KCNH2: variants seen among roughly 807,000 people sequenced by gnomAD.
The protein encoded by KCNH2 is voltage-gated inwardly rectifying potassium channel KCNH2.
Under a neutral mutation model 95.9 loss-of-function variants are expected in KCNH2, and 35 were observed. The ratio of observed to expected loss-of-function variants is 0.37; its 90% CI spans 0.28 to 0.48. The LOEUF is 0.48. KCNH2 is among the 20% of genes least tolerant of loss of function. KCNH2 has a pLI of 0.99. For synonymous variants in KCNH2, 786 were observed against 754.7 expected, an observed-to-expected ratio of 1.04 and a Z score of -0.68; for missense variants, 1,274 against 1,702.9, an observed-to-expected ratio of 0.75 and a Z score of 4.43.
chr7:150,947,910 G>C, intron 11 of KCNH2, 32 bp from the exon 12 acceptor site: 1 of 1,527,432 alleles, frequency 6.5e-7, no homozygotes, highest in Middle Eastern at 2.3e-4. Flanking sequence ...CCTCAGAGAG[G>C]GGAGGAGAAC....
chr7:150,951,299 A>G, intron 7 of KCNH2, 149 bp downstream of exon 7: 1 of 1,136,092 alleles, frequency 8.8e-7, no homozygotes. Context: ...CGCCCTGGTG[A>G]CCCAGCCCCC....
intron 3 of KCNH2, 33 bp downstream of exon 3, chr7:150,959,539 C>A (rs1247707747): frequency 1.9e-6 from 3 of 1,612,236 alleles, no homozygotes; most frequent in Non-Finnish European, 2.5e-6. Flanking sequence ...AGACCACGAA[C>A]CCCTGAGCCT....
At chr7:150,949,840 G>T (rs41307289) in intron 9 of KCNH2, 1 of 1,271,770 alleles carries the variant, frequency 7.9e-7, no homozygotes, top group Non-Finnish European at 1.0e-6. Flanking sequence ...ACCAAATGCC[G>T]AGCTTCCAGG....
intron 1 of KCNH2, among the ~76,000 whole-genome samples, 171 bp downstream of exon 1, chr7:150,977,667 G>A (rs1225007959): frequency 6.6e-6 from 1 of 151,464 alleles, no homozygotes; most frequent in African/African-American, 2.4e-5. Flanking sequence ...CACGGCCCCG[G>A]TGCACCAAGC....
At chr7:150,970,640 AG>A (rs750904122) in intron 2 of KCNH2, among the ~76,000 whole-genome samples, 4 of 152,176 alleles carry the variant, frequency 2.6e-5, no homozygotes, top group Non-Finnish European at 5.9e-5. Context: ...AAGGTGCTGC[AG>A]GGCAAGAGGC....
chr7:150,975,251 GGTGTCAGCAACGC>G (rs1435746734), intron 1 of KCNH2, among the ~76,000 whole-genome samples: 2 of 152,156 alleles, frequency 1.3e-5, no homozygotes, highest in African/African-American at 4.8e-5. Flanking sequence ...CAGCCTGGCG[GGTGTCAGCAACGC>G]GTGTCAGCAG....
chr7:150,956,059 G>GA (rs1455085467), intron 5 of KCNH2, among the ~76,000 whole-genome samples: 1 of 152,144 alleles, frequency 6.6e-6, no homozygotes, highest in Non-Finnish European at 1.5e-5. Context: ...GAGTCAGACA[G>GA]AGACACCCAG....
Position 150,951,581 on chromosome 7 carries a change from G to A in KCNH2, c.1812C>T (p.Gly604=), listed in dbSNP as rs1801165070. The change falls in exon 7 of 15, where the codon GGC becomes GGT. Residue 604 remains glycine, a synonymous_variant. Coordinates refer to ENST00000262186, the MANE Select transcript of KCNH2 (RefSeq NM_000238.4). ...GKPYNSSGLG[G]PSIKDKYVTA... ...TCACATACTTGTCCTTGATGGAGGG[G>A]CCGCCCAGGCCGCTGCTGTTGTAGG... 1.2e-6 allele frequency: 2 copies of A among 1,614,212 alleles called. No individual in the cohort carries two copies. Among genetic ancestry groups the A allele is most frequent in the Non-Finnish European group, 8.5e-7 (1 of 1,180,044 alleles).
rs779970711 is a variant in KCNH2, at chr7:150,951,054, G to C, written c.2012C>G (p.Ala671Gly). The C allele has an allele frequency of 6.2e-7, 1 of 1,614,122 alleles. No individual in the cohort carries two copies. The highest frequency in any genetic ancestry group is 8.5e-7 in the Non-Finnish European group (1 of 1,180,022). Residue 671 changes from alanine to glycine, a missense_variant, in exon 8 of 15, where the codon GCC becomes GGC. By Grantham distance (60) the Ala-to-Gly change is moderately conservative. This residue lies in a region of KCNH2 where 159 missense variants were observed against 282.5 expected (regional missense o/e 0.56). Coordinates refer to ENST00000262186, the MANE Select transcript of KCNH2 (RefSeq NM_000238.4). ...CCGCAGCATCTGTGTGTGGTAGCGG[G>C]CTGTGCCCGAGTACAGCCGCTGGAT... ...AIIQRLYSGT[A>G]RYHTQMLRVR... is the part of the protein sequence containing the mutation.
chr7:150,971,945 C>T (rs1057097972), intron 2 of KCNH2, among the ~76,000 whole-genome samples: 2 of 151,988 alleles, frequency 1.3e-5, no homozygotes, highest in Non-Finnish European at 2.9e-5. Context: ...GCACCTGCTG[C>T]CCGGGGTGCC....
intron 7 of KCNH2, 156 bp from the exon 8 acceptor site, chr7:150,951,276 C>T: frequency 9.7e-7 from 1 of 1,028,582 alleles, no homozygotes; most frequent in Non-Finnish European, 1.5e-6. Context: ...ACACCCCACC[C>T]TTCAGTAGTC....
rs1802029999 is a variant in KCNH2, at chr7:150,978,295, G to A, written c.-382C>T. 1 of 145,962 alleles carries A rather than the reference G, an allele frequency of 6.9e-6. No individual in the cohort carries two copies. The highest frequency in any genetic ancestry group is 2.5e-5 in the African/African-American group (1 of 40,462). The allele number at this position is 145,962 out of a possible 1,614,324, so 9.0% of individuals were successfully genotyped here. A position where few individuals can be genotyped will look rare whatever the true frequency, so the allele number is the denominator to read the frequency against. On this transcript the variant is annotated 5_prime_UTR_variant, in exon 1 of 15. Transcript: ENST00000262186. ...AGCGCCCGCGGCTCGGGCAGCGCCTGCGGCTCGGCCCGGCCGCGGAAGGGT... is the reference window on the plus strand; with the variant it reads ...AGCGCCCGCGGCTCGGGCAGCGCCTACGGCTCGGCCCGGCCGCGGAAGGGT...
chr7:150,974,597 G>A lies in KCNH2; in HGVS notation c.307+114C>T, dbSNP rs1584882711. 1.2e-5 allele frequency: 11 copies of A among 895,160 alleles called. No homozygotes were observed. The South Asian group carries it at 1.8e-4, about 15-fold the overall frequency. 55.5% of individuals were successfully genotyped at this position (895,160 alleles called of 1,614,324 possible). ...CCCACAGAACCCTGCCCGGGCTCGG[G>A]GCGTTCTCCAGCCGCCCCCACACCC... On this transcript the variant is annotated intron_variant, in intron 2 of 14. Transcript: ENST00000262186.
intron 5 of KCNH2, chr7:150,955,533 C>A (rs760221388): frequency 6.5e-7 from 1 of 1,530,416 alleles, no homozygotes; most frequent in South Asian, 1.2e-5. Context: ...AGCCTGCCTG[C>A]CCTGGGGCCT....
intron 11 of KCNH2, 45 bp downstream of exon 11, chr7:150,948,399 T>C (rs755171467): frequency 7.0e-5 from 100 of 1,436,492 alleles, no homozygotes; most frequent in Non-Finnish European, 3.8e-6. Context: ...GCTCCCAGCC[T>C]CACCTTGTCC....
rs78801683 is a variant in KCNH2, at chr7:150,956,711, G to C, written c.1128+580C>G. ...CTTTGTACCCACCACCTCCCTATGA[G>C]AAGAAAACTTGCTTCTCCCATGCTT... On this transcript the variant is annotated intron_variant, in intron 5 of 14. Transcript: ENST00000262186. 7.2e-5 allele frequency among the ~76,000 whole-genome samples: 11 copies of C among 152,278 alleles called. No individual in the cohort carries two copies. The East Asian group carries it at 2.1e-3, about 29-fold the overall frequency.
At position 150,945,028 on chromosome 7, in the gene KCNH2, A is replaced by G. The variant is rs964740892; in HGVS notation, c.*337T>C. The G allele has an allele frequency of 2.1e-5, 6 of 287,208 alleles. No homozygotes were observed. The highest frequency in any genetic ancestry group is 3.9e-5 in the Non-Finnish European group (6 of 152,792). 17.8% of individuals were successfully genotyped at this position (287,208 alleles called of 1,614,324 possible). A position where few individuals can be genotyped will look rare whatever the true frequency, so the allele number is the denominator to read the frequency against. On this transcript the variant is annotated 3_prime_UTR_variant, in exon 15 of 15. Transcript: ENST00000262186. This position sits in a 1 kb window ranked among gnomAD's most constrained non-coding sequence, Gnocchi z 5.6. ...TTCATTAATTATTCATATGATCCTT[A>G]ATTATTATCCTTAACAATAAGAGCA...
intron 2 of KCNH2, among the ~76,000 whole-genome samples, chr7:150,968,370 A>C (rs900254435): frequency 1.2e-4 from 18 of 152,166 alleles, no homozygotes; most frequent in African/African-American, 4.3e-4. Flanking sequence ...TCCCCGGGAG[A>C]GTGGGTGGGT....
rs1474982625 is a variant in KCNH2 at position 150,974,947 on chromosome 7, G to C, written c.77-6C>G. 4.4e-6 allele frequency: 7 copies of C among 1,585,756 alleles called. No individual in the cohort carries two copies. Among genetic ancestry groups the C allele is most frequent in the Non-Finnish European group, 6.0e-6 (7 of 1,167,374 alleles). ...GGCGATGATGAACTTACGGCCTAGG[G>C]GGGCGGGGAGGAGAGTGCGCGTGAG... On this transcript the variant is annotated splice_region_variant and splice_polypyrimidine_tract_variant and intron_variant, in intron 1 of 14. Coordinates refer to ENST00000262186, the MANE Select transcript of KCNH2 (RefSeq NM_000238.4).
Sources: allele counts gnomAD v4.1 joint callset (sites outside exome capture counted in the v4.1 genomes callset), GRCh38; gene constraint gnomAD v4.1.1; regional missense constraint gnomAD v4.1.1; non-coding constraint Gnocchi (gnomAD v3.1); transcripts MANE v1.5; gene names NCBI Gene and HGNC (gene_info 2026-07-23, HGNC 2026-07-21).